Variants in KCNN2 observed in about 807,000 individuals in gnomAD.
The protein encoded by KCNN2 is small conductance calcium-activated potassium channel protein 2.
Under a neutral mutation model 55.5 loss-of-function variants are expected in KCNN2, and 24 were observed. The observed-to-expected ratio is 0.43, with a 90% CI of 0.31 to 0.61. The LOEUF is 0.61. Ranked by LOEUF, KCNN2 falls within the 20% of genes least tolerant of loss-of-function variation. The pLI is 0.08. For synonymous variants in KCNN2, 431 were observed against 336.1 expected, an observed-to-expected ratio of 1.28 and a Z score of -3.09; for missense variants, 754 against 853.6, an observed-to-expected ratio of 0.88 and a Z score of 1.45.
intron 1 of KCNN2, among the ~76,000 whole-genome samples, chr5:114,070,886 G>A (rs1037772475): frequency 1.3e-5 from 2 of 152,204 alleles, no homozygotes; most frequent in African/African-American, 4.8e-5. Context: ...GGAGTTTGAG[G>A]AATTAATGCC....
intron 1 of KCNN2, among the ~76,000 whole-genome samples, chr5:114,160,480 GT>G (rs1327827064): frequency 6.6e-6 from 1 of 152,176 alleles, no homozygotes; most frequent in Non-Finnish European, 1.5e-5. Flanking sequence ...TGTATATTCT[GT>G]TGATTTGGGG....
chr5:114,363,283 C>G, intron 1 of KCNN2, 22 bp downstream of exon 1: 1 of 1,566,594 alleles, frequency 6.4e-7, no homozygotes, highest in Non-Finnish European at 8.6e-7. Context: ...AACCCCAGCC[C>G]ACGCTACCGG....
chr5:114,179,794 G>A (rs938539160), intron 1 of KCNN2, among the ~76,000 whole-genome samples: 7 of 151,874 alleles, frequency 4.6e-5, no homozygotes, highest in East Asian at 1.9e-4. Flanking sequence ...TAAATTTTTC[G>A]TCTTAATTAA....
intron 1 of KCNN2, among the ~76,000 whole-genome samples, chr5:114,120,246 A>T (rs1336353977): frequency 1.3e-5 from 2 of 152,126 alleles, no homozygotes; most frequent in African/African-American, 2.4e-5. Flanking sequence ...CCTGTGTGAC[A>T]GTGGTGGAGG....
At chr5:114,116,262 G>A (rs566298395) in intron 1 of KCNN2, among the ~76,000 whole-genome samples, 1 of 152,224 alleles carries the variant, frequency 6.6e-6, no homozygotes, top group African/African-American at 2.4e-5. Flanking sequence ...TGAATGTCAG[G>A]AAAACAAAAC....
chr5:114,082,120 G>A (rs186170792), intron 1 of KCNN2, among the ~76,000 whole-genome samples: 7 of 152,014 alleles, frequency 4.6e-5, no homozygotes, highest in South Asian at 2.1e-4. Flanking sequence ...AGGCCAAGGC[G>A]GGAGGATCAC....
chr5:114,176,309 C>G (rs537435009), intron 1 of KCNN2, among the ~76,000 whole-genome samples: 1 of 152,256 alleles, frequency 6.6e-6, no homozygotes, highest in South Asian at 2.1e-4. Flanking sequence ...GCTATAACAA[C>G]GCTTATAATC....
chr5:114,119,416 A>T (rs1302433930), intron 1 of KCNN2, among the ~76,000 whole-genome samples: 1 of 152,174 alleles, frequency 6.6e-6, no homozygotes, highest in Non-Finnish European at 1.5e-5. Flanking sequence ...TTTGTGCTTT[A>T]ATTCTTTTTC....
chr5:114,207,974 T>C (rs1188612790), intron 1 of KCNN2, among the ~76,000 whole-genome samples: 1 of 152,190 alleles, frequency 6.6e-6, no homozygotes, highest in East Asian at 1.9e-4. Flanking sequence ...GGCAGTGCAC[T>C]TCAGAACTAA....
intron 2 of KCNN2, among the ~76,000 whole-genome samples, chr5:114,278,450 G>T (rs552516807): frequency 3.9e-5 from 6 of 152,210 alleles, no homozygotes; most frequent in South Asian, 2.1e-4. Flanking sequence ...ATGCCCTGCC[G>T]CCAGAGGTTG....
chr5:114,152,772 G>T (rs764584973), intron 1 of KCNN2, among the ~76,000 whole-genome samples: 2 of 152,164 alleles, frequency 1.3e-5, no homozygotes, highest in African/African-American at 4.8e-5. Flanking sequence ...CTCATAGGGA[G>T]AGGAGAGGAA....
chr5:114,149,963 G>T (rs1297037426), intron 1 of KCNN2, among the ~76,000 whole-genome samples: 1 of 152,004 alleles, frequency 6.6e-6, no homozygotes, highest in Admixed American at 6.5e-5. Context: ...CCGTTTATAG[G>T]CTCTCCACAA....
chr5:114,426,664 T>C (rs925497349), intron 3 of KCNN2, among the ~76,000 whole-genome samples: 4 of 152,200 alleles, frequency 2.6e-5, no homozygotes, highest in African/African-American at 9.7e-5. Context: ...TTTGTGGTCA[T>C]TGGAACTAAG....
chr5:114,145,822 G>A (rs988366409), intron 1 of KCNN2, among the ~76,000 whole-genome samples: 1 of 152,126 alleles, frequency 6.6e-6, no homozygotes, highest in Non-Finnish European at 1.5e-5. Flanking sequence ...ATCAGGAGGG[G>A]GCAGAGGGTG....
At chr5:114,411,144 G>A (rs1759118568) in intron 3 of KCNN2, among the ~76,000 whole-genome samples, 1 of 152,154 alleles carries the variant, frequency 6.6e-6, no homozygotes, top group Non-Finnish European at 1.5e-5. Flanking sequence ...CTACTATTCA[G>A]TGTCTTAAAA....
chr5:114,158,038 T>A (rs928652662), intron 1 of KCNN2, among the ~76,000 whole-genome samples: 3 of 152,236 alleles, frequency 2.0e-5, no homozygotes, highest in African/African-American at 7.2e-5. Context: ...TTGGCTTTCG[T>A]TGCCTTTGCT....
At chr5:114,197,253 G>A (rs1327528031) in intron 1 of KCNN2, among the ~76,000 whole-genome samples, 1 of 151,998 alleles carries the variant, frequency 6.6e-6, no homozygotes, top group African/African-American at 2.4e-5. Flanking sequence ...TTAGCATATT[G>A]GCTTTCCTGA....
intron 1 of KCNN2, among the ~76,000 whole-genome samples, chr5:114,085,489 G>T (rs996553431): frequency 6.6e-6 from 1 of 151,814 alleles, no homozygotes; most frequent in Non-Finnish European, 1.5e-5. Flanking sequence ...GTTTCCAATT[G>T]CTCATTGATG....
chr5:114,295,145 G>A (rs1441617486), intron 2 of KCNN2, among the ~76,000 whole-genome samples: 1 of 152,138 alleles, frequency 6.6e-6, no homozygotes. Context: ...GGCTGCTCAG[G>A]GCTCAGAGAC....
Sources: allele counts gnomAD v4.1 joint callset (sites outside exome capture counted in the v4.1 genomes callset), GRCh38; gene constraint gnomAD v4.1.1; transcripts MANE v1.5; gene names NCBI Gene and HGNC (gene_info 2026-07-23, HGNC 2026-07-21).